PARD3B: variants seen among roughly 807,000 people sequenced by gnomAD.
The protein encoded by PARD3B is par-3 family cell polarity regulator beta.
In PARD3B, 103 loss-of-function variants were observed where a neutral mutation model predicts 130.2. That is an observed-to-expected ratio of 0.79 (90% CI 0.67 to 0.93). PARD3B has a LOEUF of 0.93. PARD3B is among the 40% of genes least tolerant of loss of function. The pLI is 0.00. For missense variants in PARD3B, 1,609 were observed against 1,499.2 expected (o/e 1.07, Z -1.21); for synonymous variants, 583 against 553.2 (o/e 1.05, Z -0.76).
chr2:205,471,430 C>T (rs2048830410), intron 20 of PARD3B, among the ~76,000 whole-genome samples: 3 of 146,176 alleles, frequency 2.1e-5, no homozygotes, highest in East Asian at 4.1e-4. Flanking sequence ...GGCGCAATCT[C>T]GGCTCACTGC....
intron 2 of PARD3B, among the ~76,000 whole-genome samples, chr2:204,718,147 A>T (rs1477179): frequency 0.66 from 100,176 of 151,906 alleles, 36,753 homozygotes; most frequent in South Asian, 0.81. Context: ...ATGTCTCAGC[A>T]TTTGTGTTAT....
chr2:204,900,627 C>T (rs1460248776), intron 2 of PARD3B, among the ~76,000 whole-genome samples: 1 of 152,056 alleles, frequency 6.6e-6, no homozygotes, highest in Non-Finnish European at 1.5e-5. Context: ...TCTTTGGTGC[C>T]TTACTTGTTT....
intron 22 of PARD3B, among the ~76,000 whole-genome samples, chr2:205,587,477 C>T (rs1414505329): frequency 6.6e-6 from 1 of 152,032 alleles, no homozygotes; most frequent in Non-Finnish European, 1.5e-5. Context: ...ATAATAATAC[C>T]GTGGCCATCA....
intron 10 of PARD3B, among the ~76,000 whole-genome samples, chr2:205,155,272 C>A (rs1213944862): frequency 1.4e-5 from 2 of 145,022 alleles, no homozygotes; most frequent in African/African-American, 2.6e-5. Flanking sequence ...GATCCATGCT[C>A]TCTGCAAATA....
chr2:204,550,611 T>G (rs2030384248), intron 1 of PARD3B, among the ~76,000 whole-genome samples: 1 of 152,252 alleles, frequency 6.6e-6, no homozygotes, highest in African/African-American at 2.4e-5. Flanking sequence ...ACTGCGTATG[T>G]GAGTACACCC....
At chr2:205,082,654 T>C (rs1318045289) in intron 4 of PARD3B, among the ~76,000 whole-genome samples, 1 of 152,192 alleles carries the variant, frequency 6.6e-6, no homozygotes, top group Admixed American at 6.5e-5. Flanking sequence ...TCATTGATTT[T>C]GTTTCCTGTT....
chr2:205,032,677 G>A (rs928254729), intron 3 of PARD3B, among the ~76,000 whole-genome samples: 9 of 152,154 alleles, frequency 5.9e-5, no homozygotes, highest in Non-Finnish European at 1.2e-4. Context: ...AGAAGAAAGG[G>A]CCTGAGTGGC....
chr2:204,806,470 C>G (rs1205394876), intron 2 of PARD3B, among the ~76,000 whole-genome samples: 2 of 152,116 alleles, frequency 1.3e-5, no homozygotes, highest in African/African-American at 4.8e-5. Context: ...TCTCTCTTGC[C>G]ATATATTAAA....
intron 2 of PARD3B, among the ~76,000 whole-genome samples, chr2:204,754,631 G>C (rs1199671663): frequency 1.3e-5 from 2 of 152,108 alleles, no homozygotes; most frequent in African/African-American, 4.8e-5. Context: ...TTTAATGTTT[G>C]CAATATCAGG....
intron 3 of PARD3B, among the ~76,000 whole-genome samples, chr2:205,022,283 C>G (rs1390837487): frequency 1.3e-5 from 2 of 152,112 alleles, no homozygotes; most frequent in Non-Finnish European, 2.9e-5. Context: ...GTATCTATGA[C>G]TGGATTGTAA....
intron 2 of PARD3B, among the ~76,000 whole-genome samples, chr2:204,770,952 G>T (rs2041345683): frequency 6.6e-6 from 1 of 152,074 alleles, no homozygotes; most frequent in Non-Finnish European, 1.5e-5. Flanking sequence ...CTTGCAGATT[G>T]TCATGTTTCT....
intron 4 of PARD3B, 96 bp from the exon 5 acceptor site, chr2:205,104,330 C>T (rs568548377): frequency 5.1e-5 from 43 of 835,718 alleles, no homozygotes; most frequent in Admixed American, 3.0e-4. Flanking sequence ...ATATATCCAG[C>T]GTAAAGCGGT....
chr2:205,085,986 A>C (rs1026842355), intron 4 of PARD3B, among the ~76,000 whole-genome samples: 1 of 152,216 alleles, frequency 6.6e-6, no homozygotes, highest in Non-Finnish European at 1.5e-5. Flanking sequence ...GAACCTTGGG[A>C]GAGTGCTGGG....
At position 205,159,559 on chromosome 2, in the gene PARD3B, G is replaced by A. The variant is rs79612218; in HGVS notation, c.1620+652G>A. Among the ~76,000 whole-genome samples the A allele has an allele frequency of 1.7e-3, 253 of 152,202 alleles. 1 individual carries two copies. Among genetic ancestry groups the A allele is most frequent in the African/African-American group, 5.8e-3 (241 of 41,508 alleles). ...CTAGCTGTATGGAAATGTAGGCAAG[G>A]GTCTTGACCAGCTGTCTCCCATTTC... On this transcript the variant is annotated intron_variant, in intron 11 of 22. Transcript: ENST00000406610.
In PARD3B at chr2:204,664,644, A is replaced by G. The variant is rs770805626; in HGVS notation, c.121-21537A>G. ...TTAAGCACATTTTGGCTCTGGTAAA[A>G]TCTATTCTGAAGAACTTATAGGCAA... On this transcript the variant is annotated intron_variant, in intron 1 of 22. Coordinates refer to ENST00000406610, the MANE Select transcript of PARD3B (RefSeq NM_001302769.2). The surrounding 1 kb of genome is among the most constrained non-coding windows in gnomAD (Gnocchi z 5.2). Among the ~76,000 whole-genome samples the G allele has an allele frequency of 2.4e-4, 36 of 152,300 alleles. No homozygotes were observed. Among genetic ancestry groups the G allele is most frequent in the Non-Finnish European group, 5.1e-4 (35 of 68,036 alleles).
Position 204,574,328 on chromosome 2 carries a change from G to A in PARD3B, c.120+28209G>A, listed in dbSNP as rs1411737512. Among the ~76,000 whole-genome samples, 4 of 152,152 alleles carry A rather than the reference G, an allele frequency of 2.6e-5. No homozygotes were observed. In the South Asian group the frequency reaches 6.2e-4, roughly 24 times the overall value. On this transcript the variant is annotated intron_variant, in intron 1 of 22. Coordinates refer to ENST00000406610, the MANE Select transcript of PARD3B (RefSeq NM_001302769.2). ...TTTTTTAAATGAATCCCAACTAGCA[G>A]TGATCTCATACTTTATTCATAATAA...
intron 20 of PARD3B, among the ~76,000 whole-genome samples, chr2:205,484,355 C>T (rs1444528025): frequency 2.0e-5 from 3 of 152,178 alleles, no homozygotes; most frequent in Non-Finnish European, 4.4e-5. Flanking sequence ...GCCTCTGTAG[C>T]CCCTCTGCTT....
At chr2:204,637,862 A>G (rs968159933) in intron 1 of PARD3B, among the ~76,000 whole-genome samples, 5 of 152,094 alleles carry the variant, frequency 3.3e-5, no homozygotes, top group African/African-American at 1.2e-4. Context: ...AAGAATGCAC[A>G]GTGTACTGCA....
intron 3 of PARD3B, among the ~76,000 whole-genome samples, chr2:205,043,344 C>T (rs1390362857): frequency 6.6e-6 from 1 of 151,934 alleles, no homozygotes; most frequent in African/African-American, 2.4e-5. Flanking sequence ...AATTACATAC[C>T]AGACAGTTCC....
Sources: allele counts gnomAD v4.1 joint callset (sites outside exome capture counted in the v4.1 genomes callset), GRCh38; gene constraint gnomAD v4.1.1; non-coding constraint Gnocchi (gnomAD v3.1); transcripts MANE v1.5; gene names NCBI Gene and HGNC (gene_info 2026-07-23, HGNC 2026-07-21).